PHTF2: variants seen among roughly 807,000 people sequenced by gnomAD.
PHTF2 encodes protein PHTF2.
A neutral mutation model predicts 101.2 loss-of-function variants in PHTF2; 60 were observed. That is an observed-to-expected ratio of 0.59 (90% confidence interval 0.48 to 0.73). The LOEUF (loss-of-function observed/expected upper bound fraction) is 0.73. Among genes scored for constraint, PHTF2 ranks in the 30% least tolerant of loss-of-function variants. The probability of loss-of-function intolerance (pLI) is 0.00; values close to 1 mark genes in which losing one functional copy is unlikely to be tolerated. For synonymous variants in PHTF2, 311 were observed against 307.3 expected, an observed-to-expected ratio of 1.01 and a Z score of -0.13; for missense variants, 747 against 908.7, an observed-to-expected ratio of 0.82 and a Z score of 2.29.
exon 20 of PHTF2, chr7:77,956,308 G>T: frequency 6.6e-6 from 1 of 152,556 alleles, no homozygotes. Context: ...TTTGATTGGT[G>T]CAGTTCTAAT....
chr7:77,799,358 A>C (rs1427136438), intron 1 of PHTF2, among the ~76,000 whole-genome samples: 1 of 152,032 alleles, frequency 6.6e-6, no homozygotes, highest in Non-Finnish European at 1.5e-5. Context: ...GGGTCCTGGA[A>C]GGGCGTTCAG....
intron 7 of PHTF2, among the ~76,000 whole-genome samples, chr7:77,907,181 A>C (rs1362918444): frequency 6.6e-6 from 1 of 152,212 alleles, no homozygotes; most frequent in Non-Finnish European, 1.5e-5. Flanking sequence ...TCTGCTTTTC[A>C]AAATTCCAGA....
chr7:77,815,847 C>T lies in PHTF2; in HGVS notation c.-36+16876C>T, dbSNP rs767652979. On this transcript the variant is annotated intron_variant, in intron 1 of 19. Transcript: ENST00000416283. ...AAATTGGGTTAATATTCTCCTTTCT[C>T]TACTATTGCTGTCTGCTGTCTCGGA... Among the ~76,000 whole-genome samples the T allele has an allele frequency of 7.2e-4, 110 of 152,188 alleles. 1 individual carries two copies. Among genetic ancestry groups the T allele is most frequent in the Non-Finnish European group, 8.1e-4 (55 of 68,034 alleles).
chr7:77,834,515 G>A (rs906919143), intron 1 of PHTF2, among the ~76,000 whole-genome samples: 2 of 152,120 alleles, frequency 1.3e-5, no homozygotes, highest in African/African-American at 4.8e-5. Context: ...CCCCAGGCTT[G>A]GGTGTAGGGG....
chr7:77,921,548 T>C (rs1457097834), intron 10 of PHTF2, among the ~76,000 whole-genome samples: 2 of 152,196 alleles, frequency 1.3e-5, no homozygotes, highest in East Asian at 3.8e-4. Context: ...CGTTCATGTA[T>C]TTTCAGTACC....
chr7:77,876,555 T>G (rs1219179565), intron 3 of PHTF2, among the ~76,000 whole-genome samples: 1 of 152,162 alleles, frequency 6.6e-6, no homozygotes, highest in Non-Finnish European at 1.5e-5. Flanking sequence ...AAAATGAAGA[T>G]AATGTTTATA....
chr7:77,937,218 C>G (rs770302657), intron 12 of PHTF2, among the ~76,000 whole-genome samples: 4 of 152,048 alleles, frequency 2.6e-5, no homozygotes, highest in Non-Finnish European at 5.9e-5. Flanking sequence ...TATGGTCTTT[C>G]AAAGAGATTC....
intron 16 of PHTF2, among the ~76,000 whole-genome samples, chr7:77,943,895 G>A (rs1481353642): frequency 6.6e-6 from 1 of 152,026 alleles, no homozygotes; most frequent in Admixed American, 6.5e-5. Flanking sequence ...GTAGGCGCCT[G>A]TAATCCCAGC....
intron 2 of PHTF2, among the ~76,000 whole-genome samples, chr7:77,850,109 G>A (rs1451067766): frequency 6.6e-6 from 1 of 151,574 alleles, no homozygotes; most frequent in African/African-American, 2.4e-5. Flanking sequence ...CCAGAACTTC[G>A]GGAGGCTGAG....
chr7:77,927,157 C>CAAAAAAAAAA (rs869210694), intron 11 of PHTF2, among the ~76,000 whole-genome samples: 2 of 36,528 alleles, frequency 5.5e-5, no homozygotes, highest in African/African-American at 7.5e-5. Flanking sequence ...GACTCCATCT[C>CAAAAAAAAAA]AAAAAAAAAA....
At chr7:77,950,570 A>G (rs1584799038) in intron 17 of PHTF2, among the ~76,000 whole-genome samples, 1 of 152,122 alleles carries the variant, frequency 6.6e-6, no homozygotes, top group East Asian at 1.9e-4. Context: ...CTGAGGCAGG[A>G]GAATCGTTTG....
chr7:77,884,463 C>T (rs1196316265), intron 3 of PHTF2, among the ~76,000 whole-genome samples: 1 of 152,152 alleles, frequency 6.6e-6, no homozygotes, highest in African/African-American at 2.4e-5. Flanking sequence ...GCTTAGCTCC[C>T]ACTTATAAGT....
At chr7:77,823,440 C>T (rs1453093647) in intron 1 of PHTF2, among the ~76,000 whole-genome samples, 5 of 152,064 alleles carry the variant, frequency 3.3e-5, no homozygotes, top group Non-Finnish European at 7.3e-5. Context: ...AGGATGGTCT[C>T]GATGTCTTGA....
At chr7:77,837,318 T>A (rs935368257) in intron 1 of PHTF2, among the ~76,000 whole-genome samples, 9 of 152,210 alleles carry the variant, frequency 5.9e-5, no homozygotes, top group African/African-American at 2.2e-4. Context: ...TGTCATAGAA[T>A]CAAAGAAGTT....
chr7:77,920,157 G>T (rs1160215397), intron 9 of PHTF2, 122 bp from the exon 9 acceptor site: 3 of 586,522 alleles, frequency 5.1e-6, no homozygotes, highest in African/African-American at 3.8e-5. Flanking sequence ...TACAAATAGG[G>T]TGGTCATTAA....
At chr7:77,859,386 T>A (rs923092413) in intron 3 of PHTF2, among the ~76,000 whole-genome samples, 3 of 152,184 alleles carry the variant, frequency 2.0e-5, no homozygotes, top group Admixed American at 2.0e-4. Context: ...TGTGTAGCTG[T>A]ATCGTAGACC....
chr7:77,837,765 T>C (rs1795579839), intron 1 of PHTF2, among the ~76,000 whole-genome samples: 1 of 152,212 alleles, frequency 6.6e-6, no homozygotes. Flanking sequence ...AGGCAGGCAG[T>C]GTTTTTCAAA....
chr7:77,841,389 A>AT (rs1187927839), intron 2 of PHTF2, among the ~76,000 whole-genome samples: 3 of 152,018 alleles, frequency 2.0e-5, no homozygotes, highest in African/African-American at 7.2e-5. Flanking sequence ...CAAACAGATG[A>AT]TTTTTAAGTT....
chr7:77,816,090 T>A (rs764911340), intron 1 of PHTF2, among the ~76,000 whole-genome samples: 15 of 152,180 alleles, frequency 9.9e-5, no homozygotes, highest in Non-Finnish European at 2.2e-4. Flanking sequence ...TTTTTTTTCT[T>A]TGAGACAAGA....
Sources: gnomAD v4.1 joint callset for allele counts (sites outside exome capture counted in the v4.1 genomes callset) on GRCh38, gnomAD v4.1.1 for gene constraint, MANE v1.5 for transcripts, NCBI Gene and HGNC (gene_info 2026-07-23, HGNC 2026-07-21) for gene names.